The following ANAPC2 variants were observed in gnomAD, a reference collection of about 807,000 sequenced individuals.
ANAPC2 encodes the protein anaphase-promoting complex subunit 2.
A neutral mutation model predicts 84.3 loss-of-function variants in ANAPC2; 29 were observed. The ratio of observed to expected loss-of-function variants is 0.34; its 90% CI spans 0.26 to 0.47. ANAPC2 has a LOEUF of 0.47. ANAPC2 is among the 20% of genes least tolerant of loss of function. ANAPC2 has a pLI of 1.00. For missense variants in ANAPC2, 857 were observed against 1,131.7 expected, an observed-to-expected ratio of 0.76 and a Z score of 3.48; for synonymous variants, 571 against 479.4, an observed-to-expected ratio of 1.19 and a Z score of -2.50.
chr9:137,175,537 T>G, intron 11 of ANAPC2, 65 bp from the exon 12 acceptor site: 1 of 1,490,424 alleles, frequency 6.7e-7, no homozygotes, highest in Admixed American at 2.1e-5. Flanking sequence ...CTGCCTCCCG[T>G]CAGCCGAGAG....
At chr9:137,188,181 G>C in intron 1 of ANAPC2, 78 bp from the exon 2 acceptor site, 2 of 1,525,138 alleles carry the variant, frequency 1.3e-6, no homozygotes, top group Non-Finnish European at 1.8e-6. Context: ...GAAGCTGAGG[G>C]GGAGGCTGCA....
intron 8 of ANAPC2, 118 bp downstream of exon 8, chr9:137,180,670 T>TG (rs1448598022): frequency 2.6e-6 from 4 of 1,561,872 alleles, no homozygotes; most frequent in Non-Finnish European, 3.5e-6. Flanking sequence ...CAGCCAGGAG[T>TG]GGGGGCGGAA....
At position 137,184,979 on chromosome 9, in the gene ANAPC2, C is replaced by A. The variant is rs747561007; in HGVS notation, c.982G>T (p.Val328Leu). The change falls in exon 4 of 13, where the codon GTG becomes TTG. Residue 328 changes from valine (V) to leucine (L), a missense_variant. Transcript: ENST00000323927. ...TAGATGCGGTAGAAGAACCTTTGCA[C>A]GTGGCAGCGCCAGCGGCGCAGGGTG... ...GNTLRRWRCH[V>L]QRFFYRIYAS... 6.2e-7 allele frequency: 1 copy of A among 1,611,958 alleles called. No individual in the cohort carries two copies. The highest frequency in any genetic ancestry group is 1.1e-5 in the South Asian group (1 of 90,880).
chr9:137,185,145 C>G, intron 3 of ANAPC2, 58 bp from the exon 4 acceptor site: 2 of 1,443,694 alleles, frequency 1.4e-6, no homozygotes, highest in South Asian at 1.5e-5. Context: ...CGGGCTGACT[C>G]AGAGGCTGGG....
chr9:137,183,319 G>T, intron 5 of ANAPC2, 77 bp from the exon 6 acceptor site: 2 of 1,240,556 alleles, frequency 1.6e-6, no homozygotes, highest in Non-Finnish European at 2.3e-6. Flanking sequence ...CGAGTAGACA[G>T]CTGGCCATGC....
At chr9:137,182,145 G>A (rs892371308) in intron 6 of ANAPC2, among the ~76,000 whole-genome samples, 1 of 152,210 alleles carries the variant, frequency 6.6e-6, no homozygotes, top group Non-Finnish European at 1.5e-5. Context: ...CCAGGTGTCC[G>A]AGGCTGCAGG....
chr9:137,188,178 AG>A, intron 1 of ANAPC2, 75 bp from the exon 2 acceptor site: 1 of 1,530,360 alleles, frequency 6.5e-7, no homozygotes, highest in Non-Finnish European at 8.8e-7. Flanking sequence ...GAAGAAGCTG[AG>A]GGGGAGGCTG....
chr9:137,182,451 G>A (rs1434621089), intron 6 of ANAPC2, among the ~76,000 whole-genome samples: 1 of 152,154 alleles, frequency 6.6e-6, no homozygotes, highest in Admixed American at 6.5e-5. Flanking sequence ...GGAGCTTGCA[G>A]TGAGCAGAGA....
Position 137,187,549 on chromosome 9 carries a change from G to T in ANAPC2, c.672C>A (p.Cys224Ter). Residue 224 changes from cysteine (C) to a stop codon, truncating the protein, a stop_gained, in exon 2 of 13, where the codon TGC (cysteine) becomes TGA (stop). Coordinates refer to ENST00000323927, the MANE Select transcript of ANAPC2 (RefSeq NM_013366.4). LOFTEE classifies it high-confidence loss of function. ...ACCAGCACTGTTGCTTGTCACTGCT[G>T]CACCCTGCACACAGCGGGCTCTGCA... Reference protein sequence around the residue: ...RLLQSPLCAGCSSDKQQCWCR... With the variant: ...RLLQSPLCAG The T allele has an allele frequency of 6.2e-7, 1 of 1,613,844 alleles. No homozygotes were observed. Among genetic ancestry groups the T allele is most frequent in the Non-Finnish European group, 8.5e-7 (1 of 1,180,016 alleles).
intron 8 of ANAPC2, 74 bp from the exon 9 acceptor site, chr9:137,180,601 G>A: frequency 6.3e-7 from 1 of 1,594,840 alleles, no homozygotes; most frequent in South Asian, 1.1e-5. Flanking sequence ...CAGGGCACGG[G>A]GGTGCCCCCC....
chr9:137,180,433 G>T lies in ANAPC2; in HGVS notation c.1686+19C>A, dbSNP rs745513587. 6.2e-6 allele frequency: 10 copies of T among 1,612,606 alleles called. No individual in the cohort carries two copies. Among genetic ancestry groups the T allele is most frequent in the Non-Finnish European group, 8.5e-6 (10 of 1,179,868 alleles). On this transcript the variant is annotated intron_variant, in intron 9 of 12. Transcript: ENST00000323927. ...GGGACCTGCGGGGCGGCCGGGCAGCGGGCGGGGCTGGGACCCACCTTCAGC... is the reference window on the plus strand; with the variant it reads ...GGGACCTGCGGGGCGGCCGGGCAGCTGGCGGGGCTGGGACCCACCTTCAGC...
In ANAPC2 at chr9:137,188,533, C is replaced by T. The variant is rs377619980; in HGVS notation, c.-1G>A. On this transcript the variant is annotated 5_prime_UTR_variant, in exon 1 of 13. Coordinates refer to ENST00000323927, the MANE Select transcript of ANAPC2 (RefSeq NM_013366.4). ...CCGCCACCACAACTGCCGCCGCCAT[C>T]TGCACCCACCGACTCCGAGATTCGC... 1.9e-6 allele frequency: 3 copies of T among 1,605,914 alleles called. No homozygotes were observed. The highest frequency in any genetic ancestry group is 1.1e-5 in the South Asian group (1 of 90,722).
At chr9:137,187,199 A>C in intron 2 of ANAPC2, 1 of 447,930 alleles carries the variant, frequency 2.2e-6, no homozygotes, top group Non-Finnish European at 4.0e-6. Context: ...AATTCTGCAG[A>C]GTCCAGGAAG....
Position 137,174,821 on chromosome 9 carries a change from T to TG in ANAPC2, c.*120dup. ...TGCTTTAATCTGCACACTGCGGGGG[T>TG]GGGGGTGGGCATGCTCCTCAGCAGT... On this transcript the variant is annotated 3_prime_UTR_variant, in exon 13 of 13. Transcript: ENST00000323927. The surrounding 1 kb of genome is among the most constrained non-coding windows in gnomAD (Gnocchi z 6.1). The TG allele has an allele frequency of 4.9e-6, 4 of 815,020 alleles. No individual in the cohort carries two copies. The highest frequency in any genetic ancestry group is 7.0e-6 in the Non-Finnish European group (4 of 568,174). The allele number at this position is 815,020 out of a possible 1,614,324, so 50.5% of individuals were successfully genotyped here. A position where few individuals can be genotyped will look rare whatever the true frequency, so the allele number is the denominator to read the frequency against.
At position 137,183,143 on chromosome 9, in the gene ANAPC2, G is replaced by C. The variant is rs538308121; in HGVS notation, c.1268C>G (p.Pro423Arg). Residue 423 changes from proline to arginine, a missense_variant, in exon 6 of 13, where the codon CCT becomes CGT. Physicochemically the swap from Pro to Arg is moderately radical, Grantham distance 103. This residue lies in a region of ANAPC2 where 425 missense variants were observed against 595.5 expected (regional missense o/e 0.71). Transcript: ENST00000323927. Reference protein sequence around the residue: ...SMVILEVACEPIRRYLRTRED... With the variant: ...SMVILEVACERIRRYLRTRED... ...CCCTCACCTCAGGTAGCGGCGGATAGGCTCACAGGCCACCTCCAGGATGAC... is the reference window on the plus strand; with the variant it reads ...CCCTCACCTCAGGTAGCGGCGGATACGCTCACAGGCCACCTCCAGGATGAC... 6.2e-7 allele frequency: 1 copy of C among 1,612,840 alleles called. No individual in the cohort carries two copies. Among genetic ancestry groups the C allele is most frequent in the South Asian group, 1.1e-5 (1 of 91,086 alleles).
chr9:137,180,721 T>C (rs1834325502), intron 8 of ANAPC2, 67 bp downstream of exon 8: 2 of 1,586,044 alleles, frequency 1.3e-6, no homozygotes, highest in Non-Finnish European at 1.7e-6. Context: ...GTCAGGGCCC[T>C]GTCCCGAGAG....
chr9:137,175,656 C>A, intron 11 of ANAPC2, 52 bp downstream of exon 11: 1 of 1,574,958 alleles, frequency 6.3e-7, no homozygotes. Flanking sequence ...GCCCCTCACC[C>A]ACAGCTGGGC....
chr9:137,185,243 C>T (rs1834437559), intron 3 of ANAPC2, among the ~76,000 whole-genome samples, 156 bp from the exon 4 acceptor site: 1 of 152,214 alleles, frequency 6.6e-6, no homozygotes, highest in African/African-American at 2.4e-5. Context: ...ACATCAAAAC[C>T]TGCAGGGTGG....
intron 7 of ANAPC2, 148 bp from the exon 8 acceptor site, chr9:137,181,077 G>A (rs983149095): frequency 2.3e-5 from 23 of 986,784 alleles, no homozygotes; most frequent in African/African-American, 4.9e-5. Context: ...GAGCCTCCCG[G>A]GAGACCTGGA....
Sources: allele counts gnomAD v4.1 joint callset (sites outside exome capture counted in the v4.1 genomes callset), GRCh38; gene constraint gnomAD v4.1.1; regional missense constraint gnomAD v4.1.1; non-coding constraint Gnocchi (gnomAD v3.1); transcripts MANE v1.5; gene names NCBI Gene and HGNC (gene_info 2026-07-23, HGNC 2026-07-21).